PRKCA: variants seen among roughly 807,000 people sequenced by gnomAD.
PRKCA encodes protein kinase C alpha type.
A neutral mutation model predicts 87.0 loss-of-function variants in PRKCA; 27 were observed. That is an observed-to-expected ratio of 0.31 (90% CI 0.23 to 0.43). The LOEUF (loss-of-function observed/expected upper bound fraction) is 0.43, where lower values mean the gene tolerates loss of function less well. Among genes scored for constraint, PRKCA ranks in the 20% least tolerant of loss-of-function variants. The pLI is 1.00. For missense variants in PRKCA, 518 were observed against 852.3 expected, an observed-to-expected ratio of 0.61 and a Z score of 4.88; for synonymous variants, 329 against 311.1, an observed-to-expected ratio of 1.06 and a Z score of -0.61.
chr17:66,605,365 T>G (rs9898223), intron 3 of PRKCA, among the ~76,000 whole-genome samples: 58,103 of 152,016 alleles, frequency 0.38, 11,731 homozygotes, highest in African/African-American at 0.5. Context: ...TTGGTGGGAA[T>G]ACACCATATG....
intron 13 of PRKCA, among the ~76,000 whole-genome samples, chr17:66,760,437 A>G (rs1457757012): frequency 2.0e-5 from 3 of 152,226 alleles, no homozygotes; most frequent in Non-Finnish European, 4.4e-5. Context: ...TTGAATTCAT[A>G]TATTAGAAAA....
chr17:66,738,116 C>T (rs139895199), intron 10 of PRKCA, among the ~76,000 whole-genome samples: 23 of 152,338 alleles, frequency 1.5e-4, no homozygotes, highest in Middle Eastern at 6.8e-3. Flanking sequence ...GTCTATGATA[C>T]ATGCCCATCA....
chr17:66,444,215 A>G (rs1219402933), intron 2 of PRKCA, among the ~76,000 whole-genome samples: 1 of 152,162 alleles, frequency 6.6e-6, no homozygotes, highest in Non-Finnish European at 1.5e-5. Context: ...CTGGGTGCTG[A>G]CCTGGCTCTA....
chr17:66,340,238 C>T (rs1194424511), intron 2 of PRKCA, among the ~76,000 whole-genome samples: 1 of 152,068 alleles, frequency 6.6e-6, no homozygotes, highest in Non-Finnish European at 1.5e-5. Context: ...AAAGCAATGG[C>T]CTTTTGCTTG....
chr17:66,399,100 C>CTTTTCTTTTCT (rs1555598364), intron 2 of PRKCA, among the ~76,000 whole-genome samples: 14,211 of 116,954 alleles, frequency 0.12, 995 homozygotes, highest in East Asian at 0.23. Flanking sequence ...CTTTTCTTTT[C>CTTTTCTTTTCT]TTTTTTTTTT....
At chr17:66,440,691 G>C (rs1913691103) in intron 2 of PRKCA, among the ~76,000 whole-genome samples, 1 of 152,114 alleles carries the variant, frequency 6.6e-6, no homozygotes, top group Non-Finnish European at 1.5e-5. Context: ...CCGAGGGTGG[G>C]CTAGTGAGAG....
intron 3 of PRKCA, among the ~76,000 whole-genome samples, chr17:66,635,941 T>C (rs1368538561): frequency 6.6e-6 from 1 of 152,122 alleles, no homozygotes; most frequent in Non-Finnish European, 1.5e-5. Flanking sequence ...TCTTAAATTA[T>C]TTCAAATTAA....
chr17:66,644,132 C>T (rs748942847), intron 4 of PRKCA, among the ~76,000 whole-genome samples: 2 of 152,174 alleles, frequency 1.3e-5, no homozygotes, highest in African/African-American at 4.8e-5. Context: ...TGGCTAAATT[C>T]GAGGTGTAGA....
intron 5 of PRKCA, among the ~76,000 whole-genome samples, chr17:66,681,762 C>A: frequency 6.6e-6 from 1 of 152,212 alleles, no homozygotes; most frequent in East Asian, 1.9e-4. Context: ...TGAGAAGTCA[C>A]CCACCACCTG....
chr17:66,305,690 AAAC>A (rs1904778663), intron 1 of PRKCA, among the ~76,000 whole-genome samples: 1 of 152,240 alleles, frequency 6.6e-6, no homozygotes. Flanking sequence ...AGGGAGATAA[AAAC>A]AATTTTCATT....
At chr17:66,329,903 C>T (rs11651447) in intron 2 of PRKCA, among the ~76,000 whole-genome samples, 40,668 of 151,984 alleles carry the variant, frequency 0.27, 6,963 homozygotes, top group East Asian at 0.67. Flanking sequence ...TTCAACCAGC[C>T]GGGATGAAAA....
intron 2 of PRKCA, among the ~76,000 whole-genome samples, chr17:66,439,706 A>G (rs186718271): frequency 6.6e-6 from 1 of 152,184 alleles, no homozygotes; most frequent in African/African-American, 2.4e-5. Flanking sequence ...GTCTCTGCTT[A>G]TCTGCATTTT....
chr17:66,712,565 C>T (rs1373687564), intron 8 of PRKCA, among the ~76,000 whole-genome samples: 1 of 152,126 alleles, frequency 6.6e-6, no homozygotes. Flanking sequence ...TGGGTTCTTG[C>T]CTGGCTCCTC....
At chr17:66,654,913 G>T (rs578070856) in intron 5 of PRKCA, among the ~76,000 whole-genome samples, 1 of 152,216 alleles carries the variant, frequency 6.6e-6, no homozygotes, top group Non-Finnish European at 1.5e-5. Flanking sequence ...TGTGAGTTGC[G>T]TGGGCATGTG....
At chr17:66,793,119 C>T (rs912278500) in intron 16 of PRKCA, among the ~76,000 whole-genome samples, 1 of 152,222 alleles carries the variant, frequency 6.6e-6, no homozygotes, top group African/African-American at 2.4e-5. Flanking sequence ...ATGAGCAAAA[C>T]ACAAAACGAG....
At chr17:66,500,327 G>A (rs888153738) in intron 3 of PRKCA, among the ~76,000 whole-genome samples, 1 of 152,218 alleles carries the variant, frequency 6.6e-6, no homozygotes, top group Non-Finnish European at 1.5e-5. Context: ...TACTTACTGT[G>A]CAAATCTGCA....
chr17:66,412,246 A>G (rs6504427), intron 2 of PRKCA, among the ~76,000 whole-genome samples: 126,967 of 151,904 alleles, frequency 0.84, 53,527 homozygotes, highest in South Asian at 0.94. Context: ...TGGGAGAGAC[A>G]GTGTTTCTCC....
chr17:66,733,235 T>A (rs954978130), intron 9 of PRKCA, among the ~76,000 whole-genome samples: 2 of 149,484 alleles, frequency 1.3e-5, no homozygotes, highest in African/African-American at 4.9e-5. Context: ...AAAGGAGAGG[T>A]TTATTGGTGG....
chr17:66,717,352 A>AT (rs1567993296), intron 8 of PRKCA, among the ~76,000 whole-genome samples: 1 of 152,222 alleles, frequency 6.6e-6, no homozygotes, highest in Non-Finnish European at 1.5e-5. Flanking sequence ...AAAGCCACAA[A>AT]TATTTACTAT....
Sources: allele counts gnomAD v4.1 joint callset (sites outside exome capture counted in the v4.1 genomes callset), GRCh38; gene constraint gnomAD v4.1.1; transcripts MANE v1.5; gene names NCBI Gene and HGNC (gene_info 2026-07-23, HGNC 2026-07-21).